The following VPS13D variants were observed in gnomAD, a reference collection of about 807,000 sequenced individuals.
VPS13D encodes intermembrane lipid transfer protein VPS13D.
In VPS13D, 187 loss-of-function variants were observed where a neutral mutation model predicts 461.9. That is an observed-to-expected ratio of 0.40 (90% confidence interval 0.36 to 0.46). The LOEUF is 0.46. Ranked by LOEUF, VPS13D falls within the 20% of genes least tolerant of loss-of-function variation. The probability of loss-of-function intolerance (pLI) is 0.60; values close to 1 mark genes in which losing one functional copy is unlikely to be tolerated. For missense variants in VPS13D, 4,711 were observed against 5,364.9 expected, an observed-to-expected ratio of 0.88 and a Z score of 3.81; for synonymous variants, 1,951 against 1,986.3, an observed-to-expected ratio of 0.98 and a Z score of 0.47.
chr1:12,427,791 G>A (rs1283403118), intron 65 of VPS13D, among the ~76,000 whole-genome samples: 1 of 152,202 alleles, frequency 6.6e-6, no homozygotes. Context: ...TGCAGGTTAA[G>A]ATTCACAACA....
At chr1:12,471,673 T>C (rs1430664534) in intron 67 of VPS13D, among the ~76,000 whole-genome samples, 2 of 152,356 alleles carry the variant, frequency 1.3e-5, no homozygotes, top group East Asian at 3.9e-4. Context: ...AATAACTTAG[T>C]ATTCCATTTT....
chr1:12,340,793 C>T lies in VPS13D; in HGVS notation c.8627-987C>T, dbSNP rs750284150. 2.6e-5 allele frequency among the ~76,000 whole-genome samples: 4 copies of T among 152,138 alleles called. No individual in the cohort carries two copies. The South Asian group carries it at 6.2e-4, about 24-fold the overall frequency. On this transcript the variant is annotated intron_variant, in intron 40 of 69. Transcript: ENST00000620676. ...CTCCCTTTTTTTTGTTGGTTGTGTA[C>T]GTGTGTTGTGAACATGTCAACCAGG...
chr1:12,343,617 C>G (rs948205930), intron 42 of VPS13D, among the ~76,000 whole-genome samples: 1 of 152,036 alleles, frequency 6.6e-6, no homozygotes, highest in Non-Finnish European at 1.5e-5. Context: ...TCAAGCAGTT[C>G]TCTCACCTCG....
At chr1:12,242,449 C>A in intron 2 of VPS13D, 64 bp from the exon 3 acceptor site, 1 of 1,397,672 alleles carries the variant, frequency 7.2e-7, no homozygotes, top group Non-Finnish European at 1.0e-6. Context: ...CAATGCTTTA[C>A]ACACAGTAGG....
chr1:12,355,965 T>A lies in VPS13D; in HGVS notation c.9746T>A (p.Met3249Lys). 6.2e-7 allele frequency: 1 copy of A among 1,613,212 alleles called. No homozygotes were observed. The highest frequency in any genetic ancestry group is 1.3e-5 in the African/African-American group (1 of 75,034). ...LLIPPGTQNY[M>K]VRMRLYDVNR... Reference sequence around the variant, plus strand: ...ATTCCACCTGGAACCCAAAACTATATGGTGAGAATGCGACTCTATGACGTC... The same window carrying A: ...ATTCCACCTGGAACCCAAAACTATAAGGTGAGAATGCGACTCTATGACGTC... Residue 3249 changes from methionine to lysine, a missense_variant, in exon 48 of 70, where the codon ATG (methionine) becomes AAG (lysine). Met to Lys is a moderately conservative substitution (Grantham distance 95). Around this residue, in one of 3 missense-constraint regions of VPS13D, gnomAD observed 4,411 missense variants for 4,937.8 expected, o/e 0.89. Transcript: ENST00000620676.
intron 56 of VPS13D, among the ~76,000 whole-genome samples, chr1:12,379,203 G>A (rs1046807506): frequency 7.2e-5 from 11 of 152,212 alleles, no homozygotes; most frequent in African/African-American, 2.7e-4. Flanking sequence ...CATACTGCAT[G>A]GTAAGTTGCC....
At chr1:12,500,231 G>T (rs1302187535) in intron 68 of VPS13D, 4 of 983,892 alleles carry the variant, frequency 4.1e-6, no homozygotes, top group Non-Finnish European at 4.8e-6. Context: ...ATGATTTCTG[G>T]TCTGGCCAGC....
intron 2 of VPS13D, among the ~76,000 whole-genome samples, chr1:12,237,093 ATG>A (rs1194596485): frequency 2.0e-5 from 3 of 151,270 alleles, no homozygotes; most frequent in African/African-American, 7.3e-5. Context: ...GTATATATAT[ATG>A]TGTGTATGTG....
chr1:12,279,522 A>G lies in VPS13D; in HGVS notation c.4474A>G (p.Thr1492Ala). Residue 1492 changes from threonine to alanine, a missense_variant, in exon 20 of 70, where the codon ACC becomes GCC. This residue lies in a region of VPS13D where 4,411 missense variants were observed against 4,937.8 expected (regional missense o/e 0.89). Transcript: ENST00000620676. This position sits in a 1 kb window ranked among gnomAD's most constrained non-coding sequence, Gnocchi z 4.3. ...AGCTTTTCACATCCTGAACAACACC[A>G]CCATTCAGTTTAAACTGGAGAAGAT... ...GQAFHILNNT[T>A]IQFKLEKIPI... 1.2e-6 allele frequency: 2 copies of G among 1,605,606 alleles called. No individual in the cohort carries two copies. The highest frequency in any genetic ancestry group is 1.7e-6 in the Non-Finnish European group (2 of 1,174,260).
intron 67 of VPS13D, among the ~76,000 whole-genome samples, chr1:12,482,838 A>G (rs1345470363): frequency 6.8e-6 from 1 of 147,398 alleles, no homozygotes; most frequent in Non-Finnish European, 1.5e-5. Context: ...ATGGGAGTAC[A>G]TATGTTGATG....
intron 67 of VPS13D, among the ~76,000 whole-genome samples, chr1:12,496,856 G>GCCAGGTCCAGGTCCAGGT (rs544192024): frequency 2.4e-3 from 368 of 152,142 alleles, no homozygotes; most frequent in African/African-American, 7.7e-3. Flanking sequence ...TGTGGCCTGG[G>GCCAGGTCCAGGTCCAGGT]CCAGGTCCAG....
chr1:12,302,417 T>A (rs1642449079), intron 25 of VPS13D, among the ~76,000 whole-genome samples: 1 of 152,210 alleles, frequency 6.6e-6, no homozygotes, highest in African/African-American at 2.4e-5. Context: ...ATGTATGGGT[T>A]TACCAGCAGG....
At chr1:12,364,885 A>G (rs1557735062) in intron 52 of VPS13D, among the ~76,000 whole-genome samples, 1 of 152,142 alleles carries the variant, frequency 6.6e-6, no homozygotes. Context: ...TAAGCGTTTT[A>G]TAGTTTTAGC....
intron 65 of VPS13D, among the ~76,000 whole-genome samples, chr1:12,423,817 G>T (rs1372461069): frequency 1.3e-5 from 2 of 152,168 alleles, no homozygotes; most frequent in Non-Finnish European, 2.9e-5. Context: ...TTTTGTTTAA[G>T]AAACAGCATT....
chr1:12,385,175 T>A (rs1213094991), intron 58 of VPS13D, 85 bp from the exon 59 acceptor site: 1 of 1,043,892 alleles, frequency 9.6e-7, no homozygotes, highest in Non-Finnish European at 1.4e-6. Flanking sequence ...ATAATGACTT[T>A]TGACCTACAC....
Position 12,299,088 on chromosome 1 carries a change from C to A in VPS13D, c.6034-114C>A. The A allele has an allele frequency of 1.0e-6, 1 of 980,530 alleles. No individual in the cohort carries two copies. Among genetic ancestry groups the A allele is most frequent in the Non-Finnish European group, 1.5e-6 (1 of 683,310 alleles). The allele number at this position is 980,530 out of a possible 1,614,324, so 60.7% of individuals were successfully genotyped here. A position where few individuals can be genotyped will look rare whatever the true frequency, so the allele number is the denominator to read the frequency against. On this transcript the variant is annotated intron_variant, in intron 24 of 69. Transcript: ENST00000620676. This position sits in a 1 kb window ranked among gnomAD's most constrained non-coding sequence, Gnocchi z 4.2. Reference sequence around the variant, plus strand: ...CTCCATGGTGGTCATAGAATATGCTCTGTATGATTTTAATTGTTTTATAAA... The same window carrying A: ...CTCCATGGTGGTCATAGAATATGCTATGTATGATTTTAATTGTTTTATAAA...
At chr1:12,403,196 C>A (rs576052116) in intron 62 of VPS13D, among the ~76,000 whole-genome samples, 1 of 152,344 alleles carries the variant, frequency 6.6e-6, no homozygotes, top group East Asian at 1.9e-4. Context: ...GCATCAAGTG[C>A]AAAGAGCACA....
chr1:12,402,444 A>G (rs1290693605), intron 62 of VPS13D: 2 of 152,252 alleles, frequency 1.3e-5, no homozygotes, highest in Non-Finnish European at 2.9e-5. Flanking sequence ...AAGAAATGAT[A>G]AGAAAGAGGC....
Position 12,288,236 on chromosome 1 carries a change from C to T in VPS13D, c.5648C>T (p.Ser1883Phe), listed in dbSNP as rs1225213246. The part of the protein sequence containing the change: ...TKLDLKVHSL[S>F]LVLNKTTSEL... The stretch of plus-strand genomic sequence containing the variant: ...GTCTGTTCCTAGGTTCATTCACTTT[C>T]TCTAGTGCTGAATAAGACCACCAGT... The change falls in exon 22 of 70, where the codon TCT (serine) becomes TTT (phenylalanine). Residue 1883 changes from serine to phenylalanine, a missense_variant. This residue lies in a region of VPS13D where 4,411 missense variants were observed against 4,937.8 expected (regional missense o/e 0.89). Transcript: ENST00000620676. 6.2e-7 allele frequency: 1 copy of T among 1,613,736 alleles called. No homozygotes were observed.
Sources: allele counts gnomAD v4.1 joint callset (sites outside exome capture counted in the v4.1 genomes callset), GRCh38; gene constraint gnomAD v4.1.1; regional missense constraint gnomAD v4.1.1; non-coding constraint Gnocchi (gnomAD v3.1); transcripts MANE v1.5; gene names NCBI Gene and HGNC (gene_info 2026-07-23, HGNC 2026-07-21).